Variants in DEGS1 observed in about 807,000 individuals in gnomAD.
DEGS1 encodes the protein sphingolipid delta(4)-desaturase DES1.
DEGS1 carries 17 observed loss-of-function variants against 24.1 expected under a neutral mutation model. The ratio of observed to expected loss-of-function variants is 0.70; its 90% CI spans 0.48 to 1.06. DEGS1 has a LOEUF of 1.06. Among genes scored for constraint, DEGS1 ranks in the 50% least tolerant of loss-of-function variants. DEGS1 has a pLI of 0.00. For synonymous variants in DEGS1, 134 were observed against 140.0 expected, an observed-to-expected ratio of 0.96 and a Z score of 0.30; for missense variants, 366 against 408.9, an observed-to-expected ratio of 0.90 and a Z score of 0.91.
intron 1 of DEGS1, among the ~76,000 whole-genome samples, chr1:224,184,708 G>T (rs925658111): frequency 2.6e-4 from 39 of 152,034 alleles, no homozygotes; most frequent in African/African-American, 8.5e-4. Flanking sequence ...TAGAGACGGG[G>T]TTTCACCATG....
chr1:224,186,854 G>T (rs1658408618), intron 1 of DEGS1, among the ~76,000 whole-genome samples: 1 of 151,978 alleles, frequency 6.6e-6, no homozygotes, highest in East Asian at 1.9e-4. Context: ...AGAATCTTTA[G>T]ATTTGTTTAA....
chr1:224,184,596 C>T (rs944558670), intron 1 of DEGS1, among the ~76,000 whole-genome samples: 1 of 152,138 alleles, frequency 6.6e-6, no homozygotes, highest in Non-Finnish European at 1.5e-5. Flanking sequence ...GCTGCAACCT[C>T]TGCCTCCTGG....
intron 1 of DEGS1, among the ~76,000 whole-genome samples, chr1:224,188,487 G>C (rs1658449958): frequency 6.6e-6 from 1 of 152,084 alleles, no homozygotes; most frequent in African/African-American, 2.4e-5. Context: ...CAAAGTATGA[G>C]GGTTCTAATT....
chr1:224,185,151 C>T (rs1471347481), intron 1 of DEGS1, among the ~76,000 whole-genome samples: 1 of 152,116 alleles, frequency 6.6e-6, no homozygotes, highest in Non-Finnish European at 1.5e-5. Context: ...ACCACCATGC[C>T]TGGTTGATTT....
chr1:224,187,370 A>G (rs1658421016), intron 1 of DEGS1, among the ~76,000 whole-genome samples: 1 of 152,032 alleles, frequency 6.6e-6, no homozygotes. Context: ...AACATGATAC[A>G]GCTTTTTAAT....
chr1:224,190,761 CCT>C (rs1658517680), intron 2 of DEGS1, among the ~76,000 whole-genome samples: 1 of 151,604 alleles, frequency 6.6e-6, no homozygotes, highest in East Asian at 1.9e-4. Context: ...AGGGTCTTGC[CCT>C]GTCACCTAGT....
At chr1:224,187,404 T>C (rs1170966480) in intron 1 of DEGS1, among the ~76,000 whole-genome samples, 2 of 152,144 alleles carry the variant, frequency 1.3e-5, no homozygotes, top group Non-Finnish European at 2.9e-5. Flanking sequence ...AGAGAGAGTC[T>C]CACTGTGTTG....
Position 224,193,146 on chromosome 1 carries a change from C to G in DEGS1, c.*668C>G, listed in dbSNP as rs1658587378. 1 of 152,116 alleles carries G rather than the reference C, an allele frequency of 6.6e-6. No individual in the cohort carries two copies. Among genetic ancestry groups the G allele is most frequent in the Admixed American group, 6.5e-5 (1 of 15,278 alleles). 9.4% of individuals were successfully genotyped at this position (152,116 alleles called of 1,614,324 possible). A position where few individuals can be genotyped will look rare whatever the true frequency, so the allele number is the denominator to read the frequency against. On this transcript the variant is annotated 3_prime_UTR_variant, in exon 3 of 3. Transcript: ENST00000323699. ...TTTGCTTTATTAAAAAGCTAATAAA[C>G]AGCTATTAATCACAGTGTATTAGTA...
intron 1 of DEGS1, among the ~76,000 whole-genome samples, chr1:224,188,097 T>A (rs1237191130): frequency 6.6e-6 from 1 of 151,832 alleles, no homozygotes; most frequent in African/African-American, 2.4e-5. Context: ...ACCCAGCCAT[T>A]AGCATAATAT....
At chr1:224,192,010 A>G (rs1269352371) in intron 2 of DEGS1, among the ~76,000 whole-genome samples, 1 of 152,128 alleles carries the variant, frequency 6.6e-6, no homozygotes, top group Non-Finnish European at 1.5e-5. Context: ...CATGCAGTAC[A>G]TTCTTTAATA....
intron 1 of DEGS1, among the ~76,000 whole-genome samples, chr1:224,186,952 T>C (rs1012186407): frequency 6.6e-6 from 1 of 152,132 alleles, no homozygotes; most frequent in Non-Finnish European, 1.5e-5. Flanking sequence ...CCAACAATTG[T>C]ACACTTTAAG....
At chr1:224,192,180 T>C (rs934446446) in intron 2 of DEGS1, 152 bp from the exon 3 acceptor site, 40 of 630,936 alleles carry the variant, frequency 6.3e-5, no homozygotes, top group African/African-American at 6.3e-4. Flanking sequence ...CCACAGCTGC[T>C]GCTGCTGCTG....
chr1:224,184,619 C>T (rs570123847), intron 1 of DEGS1, among the ~76,000 whole-genome samples: 4 of 152,270 alleles, frequency 2.6e-5, no homozygotes, highest in African/African-American at 9.6e-5. Flanking sequence ...TCAAGCGATT[C>T]TTCTGTCTCA....
chr1:224,189,452 T>C (rs1164452541), intron 1 of DEGS1, 125 bp from the exon 2 acceptor site: 2 of 659,704 alleles, frequency 3.0e-6, no homozygotes, highest in Non-Finnish European at 2.4e-6. Flanking sequence ...CTAAAGTCTC[T>C]AGTAAAGGGA....
chr1:224,189,222 T>A (rs1658471515), intron 1 of DEGS1, among the ~76,000 whole-genome samples: 1 of 152,218 alleles, frequency 6.6e-6, no homozygotes, highest in South Asian at 2.1e-4. Context: ...AAATGTATAT[T>A]ATATTCTATC....
At chr1:224,191,725 G>T (rs1376804315) in intron 2 of DEGS1, among the ~76,000 whole-genome samples, 1 of 148,506 alleles carries the variant, frequency 6.7e-6, no homozygotes, top group Non-Finnish European at 1.5e-5. Context: ...CTCCTGAGTT[G>T]CTGGGACTAC....
chr1:224,192,181 G>A, intron 2 of DEGS1, 151 bp from the exon 3 acceptor site: 4 of 631,860 alleles, frequency 6.3e-6, no homozygotes, highest in Non-Finnish European at 1.0e-5. Context: ...CACAGCTGCT[G>A]CTGCTGCTGC....
intron 1 of DEGS1, among the ~76,000 whole-genome samples, chr1:224,188,355 G>C (rs1658447962): frequency 6.6e-6 from 1 of 152,154 alleles, no homozygotes; most frequent in Admixed American, 6.6e-5. Flanking sequence ...GCATATGTCA[G>C]TGTATGATTC....
intron 1 of DEGS1, among the ~76,000 whole-genome samples, chr1:224,186,460 TC>T (rs2102653458): frequency 6.6e-6 from 1 of 152,274 alleles, no homozygotes; most frequent in Admixed American, 6.5e-5. Flanking sequence ...ACGCCTGTAA[TC>T]CCAGCACTTT....
Sources: allele counts gnomAD v4.1 joint callset (sites outside exome capture counted in the v4.1 genomes callset), GRCh38; gene constraint gnomAD v4.1.1; transcripts MANE v1.5; gene names NCBI Gene and HGNC (gene_info 2026-07-23, HGNC 2026-07-21).